The following ANXA8 variants were observed in gnomAD, a reference collection of about 807,000 sequenced individuals.
ANXA8 encodes VAC-beta.
ANXA8 carries 9 observed loss-of-function variants against 26.8 expected under a neutral mutation model. The ratio of observed to expected loss-of-function variants is 0.34; its 90% CI spans 0.20 to 0.59. ANXA8 has a LOEUF of 0.59. Among genes scored for constraint, ANXA8 ranks in the 20% least tolerant of loss-of-function variants. The probability of loss-of-function intolerance (pLI) is 0.84; values close to 1 mark genes in which losing one functional copy is unlikely to be tolerated. For missense variants in ANXA8, 83 were observed against 238.5 expected, an observed-to-expected ratio of 0.35 and a Z score of 4.29; for synonymous variants, 39 against 94.8, an observed-to-expected ratio of 0.41 and a Z score of 3.42.
chr10:47,704,847 A>C, the ANXA8 span, among the ~76,000 whole-genome samples: 6 of 152,068 alleles, frequency 3.9e-5, no homozygotes, highest in African/African-American at 1.4e-4. Context: ...AAAATTTTTA[A>C]ATGAAGAAAA....
the ANXA8 span, among the ~76,000 whole-genome samples, chr10:47,776,627 T>TG: frequency 6.6e-6 from 1 of 152,006 alleles, no homozygotes; most frequent in Non-Finnish European, 1.5e-5. Context: ...TGGATCTAAG[T>TG]GGGGTACACA....
the ANXA8 span, among the ~76,000 whole-genome samples, chr10:47,743,343 TATATATATATACACATATATATATATAC>T: frequency 6.8e-5 from 1 of 14,768 alleles, no homozygotes; most frequent in African/African-American, 1.5e-4. Context: ...TATATATACA[TATATATATATACACATATATATATATAC>T]ATATATATGT....
the ANXA8 span, among the ~76,000 whole-genome samples, chr10:47,501,028 G>A: frequency 7.0e-6 from 1 of 143,698 alleles, no homozygotes; most frequent in South Asian, 2.2e-4. Flanking sequence ...CGAGTAGCTG[G>A]GACTACAGGT....
At chr10:47,891,593 GAAAAAAA>G in the ANXA8 span, among the ~76,000 whole-genome samples, 1 of 2,678 alleles carries the variant, frequency 3.7e-4, no homozygotes, top group African/African-American at 1.6e-3. Flanking sequence ...CAAATAAATA[GAAAAAAA>G]AAAAAAAAAA....
the ANXA8 span, among the ~76,000 whole-genome samples, chr10:47,693,572 G>A: frequency 2.0e-5 from 3 of 151,664 alleles, no homozygotes; most frequent in Non-Finnish European, 4.4e-5. Context: ...TTACAGGCGT[G>A]AGCCACCGCG....
At chr10:47,947,863 G>A in the ANXA8 span, among the ~76,000 whole-genome samples, 1 of 150,686 alleles carries the variant, frequency 6.6e-6, no homozygotes, top group African/African-American at 2.5e-5. Flanking sequence ...TTAGGTTGTG[G>A]ATGTCTATCA....
the ANXA8 span, among the ~76,000 whole-genome samples, chr10:47,952,765 T>C: frequency 6.7e-6 from 1 of 148,798 alleles, no homozygotes; most frequent in East Asian, 2.0e-4. Context: ...AATGAAGACA[T>C]GTGGTATAGG....
At chr10:47,936,729 C>T in the ANXA8 span, among the ~76,000 whole-genome samples, 1 of 148,358 alleles carries the variant, frequency 6.7e-6, no homozygotes, top group South Asian at 2.2e-4. Context: ...AGGCCAGGGG[C>T]TGTGCTTCCT....
the ANXA8 span, chr10:47,970,574 G>A: frequency 1.2e-4 from 18 of 151,434 alleles, no homozygotes; most frequent in Non-Finnish European, 2.7e-4. Context: ...CGCAATTACT[G>A]TATAACAGTT....
At chr10:47,733,223 CTTTCTTTCTCTCTT>C in the ANXA8 span, among the ~76,000 whole-genome samples, 102 of 62,338 alleles carry the variant, frequency 1.6e-3, 1 homozygote, top group South Asian at 3.4e-3. Flanking sequence ...CTTTCTTTCT[CTTTCTTTCTCTCTT>C]TCTTTCTTTC....
the ANXA8 span, among the ~76,000 whole-genome samples, chr10:47,498,514 A>C: frequency 4.2e-5 from 6 of 144,410 alleles, no homozygotes; most frequent in Non-Finnish European, 9.1e-5. Flanking sequence ...CTATATACCC[A>C]GAAGTGATAT....
chr10:47,627,362 T>C, the ANXA8 span, among the ~76,000 whole-genome samples: 2 of 150,180 alleles, frequency 1.3e-5, 1 homozygote, highest in Non-Finnish European at 2.9e-5. Flanking sequence ...AGACTACATC[T>C]CCTATTTTTA....
chr10:47,549,175 A>G, the ANXA8 span: 1 of 639,972 alleles, frequency 1.6e-6, no homozygotes. Flanking sequence ...AATCACATCT[A>G]CTATATCCCT....
the ANXA8 span, among the ~76,000 whole-genome samples, chr10:47,679,884 C>G: frequency 6.6e-6 from 1 of 152,066 alleles, no homozygotes; most frequent in African/African-American, 2.4e-5. Context: ...TGCCACTGCA[C>G]TCCAGCATGG....
At chr10:47,643,515 C>T in the ANXA8 span, among the ~76,000 whole-genome samples, 1 of 147,902 alleles carries the variant, frequency 6.8e-6, no homozygotes, top group Non-Finnish European at 1.5e-5. Context: ...GGTGACAGAG[C>T]GAGACTCCAT....
chr10:47,982,780 T>G, the ANXA8 span, among the ~76,000 whole-genome samples: 1 of 103,002 alleles, frequency 9.7e-6, no homozygotes, highest in African/African-American at 3.4e-5. Context: ...ACCCACAGAA[T>G]GGGAAGAAGT....
At chr10:47,493,346 G>C in the ANXA8 span, among the ~76,000 whole-genome samples, 50 of 148,470 alleles carry the variant, frequency 3.4e-4, 1 homozygote, top group Admixed American at 7.9e-4. Context: ...AGGGCATTGG[G>C]CTGGCACTGC....
At chr10:47,748,635 T>C in the ANXA8 span, among the ~76,000 whole-genome samples, 1 of 152,206 alleles carries the variant, frequency 6.6e-6, no homozygotes, top group Non-Finnish European at 1.5e-5. Flanking sequence ...CCTCCCTCTC[T>C]CCTCCTTCCT....
the ANXA8 span, among the ~76,000 whole-genome samples, chr10:47,723,653 G>C: frequency 1.4e-5 from 2 of 139,970 alleles, no homozygotes; most frequent in Admixed American, 1.5e-4. Context: ...GGTTAATCTT[G>C]AGCTCTCGTC....
Sources: allele counts gnomAD v4.1 joint callset (sites outside exome capture counted in the v4.1 genomes callset), GRCh38; gene constraint gnomAD v4.1.1; transcripts MANE v1.5; gene names NCBI Gene and HGNC (gene_info 2026-07-23, HGNC 2026-07-21).